Variants in KCNH7 observed in about 807,000 individuals in gnomAD.
KCNH7 encodes the protein potassium voltage-gated channel subfamily H member 7, also known as voltage-gated inwardly rectifying potassium channel KCNH7.
A neutral mutation model predicts 120.8 loss-of-function variants in KCNH7; 49 were observed. The observed-to-expected ratio is 0.41, with a 90% confidence interval of 0.32 to 0.51. The LOEUF (loss-of-function observed/expected upper bound fraction) is 0.51. KCNH7 is among the 20% of genes least tolerant of loss of function. The pLI is 0.38. For synonymous variants in KCNH7, 547 were observed against 516.1 expected (o/e 1.06, Z -0.81); for missense variants, 1,097 against 1,446.6 (o/e 0.76, Z 3.92).
chr2:162,470,660 G>C (rs946279542), intron 6 of KCNH7, among the ~76,000 whole-genome samples: 13 of 151,864 alleles, frequency 8.6e-5, no homozygotes, highest in Non-Finnish European at 1.9e-4. Flanking sequence ...CGCCCCGTCC[G>C]GGAGGTGAGG....
chr2:162,812,581 G>T (rs964798602), intron 2 of KCNH7, among the ~76,000 whole-genome samples: 1 of 152,046 alleles, frequency 6.6e-6, no homozygotes, highest in African/African-American at 2.4e-5. Flanking sequence ...AGTTTAAGGT[G>T]AGGATTATTC....
At chr2:162,713,802 A>T (rs537812771) in intron 2 of KCNH7, among the ~76,000 whole-genome samples, 3 of 152,176 alleles carry the variant, frequency 2.0e-5, no homozygotes, top group Admixed American at 2.0e-4. Flanking sequence ...AGGCTGGAAT[A>T]CAATAGCATG....
intron 2 of KCNH7, among the ~76,000 whole-genome samples, chr2:162,764,253 T>G (rs1220798111): frequency 6.6e-6 from 1 of 152,070 alleles, no homozygotes; most frequent in Non-Finnish European, 1.5e-5. Flanking sequence ...AAAAGAGAAA[T>G]AGCAGCAGCT....
At chr2:162,592,687 A>G (rs925123723) in intron 2 of KCNH7, among the ~76,000 whole-genome samples, 1 of 152,070 alleles carries the variant, frequency 6.6e-6, no homozygotes, top group South Asian at 2.1e-4. Flanking sequence ...GCACTACTTT[A>G]TTCATATATC....
At chr2:162,817,722 G>A (rs546605426) in intron 2 of KCNH7, among the ~76,000 whole-genome samples, 1 of 152,068 alleles carries the variant, frequency 6.6e-6, no homozygotes, top group Admixed American at 6.5e-5. Context: ...ACCAACATTT[G>A]GTGTTCTCAG....
At chr2:162,812,445 G>GT (rs1684764369) in intron 2 of KCNH7, among the ~76,000 whole-genome samples, 3 of 152,020 alleles carry the variant, frequency 2.0e-5, no homozygotes, top group Admixed American at 2.0e-4. Flanking sequence ...AGTAGAGACT[G>GT]GCTTTTCAGA....
intron 2 of KCNH7, among the ~76,000 whole-genome samples, chr2:162,644,390 G>T (rs144722135): frequency 6.6e-6 from 1 of 152,026 alleles, no homozygotes; most frequent in South Asian, 2.1e-4. Context: ...ACCCAGTAGC[G>T]TTATACATTG....
At chr2:162,602,290 G>C (rs146308941) in intron 2 of KCNH7, among the ~76,000 whole-genome samples, 1 of 151,998 alleles carries the variant, frequency 6.6e-6, no homozygotes, top group Non-Finnish European at 1.5e-5. Flanking sequence ...AGATGAACTG[G>C]AAGGTTGTTT....
intron 2 of KCNH7, among the ~76,000 whole-genome samples, chr2:162,792,274 G>T (rs750723192): frequency 1.4e-4 from 21 of 151,994 alleles, no homozygotes; most frequent in Admixed American, 3.9e-4. Flanking sequence ...CAAGGTTTTG[G>T]TATCACAATG....
intron 2 of KCNH7, among the ~76,000 whole-genome samples, chr2:162,643,672 G>A (rs1455145024): frequency 2.6e-5 from 4 of 151,678 alleles, no homozygotes; most frequent in Non-Finnish European, 4.4e-5. Context: ...CAGGCATGGC[G>A]GCGCACACCT....
intron 13 of KCNH7, among the ~76,000 whole-genome samples, chr2:162,383,085 G>C (rs1686470657): frequency 6.6e-6 from 1 of 151,952 alleles, no homozygotes; most frequent in South Asian, 2.1e-4. Context: ...AGAAGGGCAT[G>C]AGAATTCATT....
chr2:162,454,712 G>A (rs945765559), intron 6 of KCNH7, among the ~76,000 whole-genome samples: 1 of 152,034 alleles, frequency 6.6e-6, no homozygotes, highest in African/African-American at 2.4e-5. Context: ...GTGAACAGAA[G>A]TTCATTCATG....
At chr2:162,692,702 G>T (rs548236053) in intron 2 of KCNH7, among the ~76,000 whole-genome samples, 11 of 152,202 alleles carry the variant, frequency 7.2e-5, no homozygotes, top group Non-Finnish European at 1.2e-4. Flanking sequence ...GCTGATAAGG[G>T]TTGAGAAAAG....
chr2:162,579,273 G>A (rs1309533782), intron 2 of KCNH7, among the ~76,000 whole-genome samples: 1 of 151,996 alleles, frequency 6.6e-6, no homozygotes, highest in East Asian at 1.9e-4. Context: ...GTGGTCCCTT[G>A]GCTCCCTTGT....
intron 2 of KCNH7, among the ~76,000 whole-genome samples, chr2:162,556,415 G>A (rs1217032207): frequency 6.6e-6 from 1 of 152,120 alleles, no homozygotes; most frequent in East Asian, 1.9e-4. Context: ...TAGCTGAGAT[G>A]TGACTATTTA....
chr2:162,816,433 A>G (rs1382783711), intron 2 of KCNH7, among the ~76,000 whole-genome samples: 4 of 152,174 alleles, frequency 2.6e-5, no homozygotes, highest in African/African-American at 9.7e-5. Flanking sequence ...CATAATAGAA[A>G]GTGGAAAAGT....
intron 1 of KCNH7, among the ~76,000 whole-genome samples, 173 bp from the exon 2 acceptor site, chr2:162,836,940 T>C (rs571305026): frequency 2.3e-4 from 35 of 152,246 alleles, no homozygotes; most frequent in Non-Finnish European, 4.0e-4. Flanking sequence ...AAACTTTAAA[T>C]GTGAGATTAA....
At chr2:162,681,088 T>C (rs1448255567) in intron 2 of KCNH7, among the ~76,000 whole-genome samples, 1 of 151,832 alleles carries the variant, frequency 6.6e-6, no homozygotes, top group Admixed American at 6.6e-5. Flanking sequence ...ATGGGAAAGT[T>C]TATTGCTCAT....
chr2:162,575,223 A>G (rs935873681), intron 2 of KCNH7, among the ~76,000 whole-genome samples: 1 of 152,010 alleles, frequency 6.6e-6, no homozygotes, highest in African/African-American at 2.4e-5. Flanking sequence ...ATCAAATCAC[A>G]TCTGCTGCTA....
Sources: gnomAD v4.1 joint callset for allele counts (sites outside exome capture counted in the v4.1 genomes callset) on GRCh38, gnomAD v4.1.1 for gene constraint, MANE v1.5 for transcripts, NCBI Gene and HGNC (gene_info 2026-07-23, HGNC 2026-07-21) for gene names.